MIPEP: variants seen among roughly 807,000 people sequenced by gnomAD.
MIPEP encodes the protein mitochondrial intermediate peptidase.
A neutral mutation model predicts 90.3 loss-of-function variants in MIPEP; 79 were observed. The observed-to-expected ratio is 0.87, with a 90% CI of 0.73 to 1.05. MIPEP has a LOEUF of 1.05. Ranked by LOEUF, MIPEP falls within the 50% of genes least tolerant of loss-of-function variation. The probability of loss-of-function intolerance (pLI) is 0.00; values close to 1 mark genes in which losing one functional copy is unlikely to be tolerated. For missense variants in MIPEP, 940 were observed against 905.6 expected (o/e 1.04, Z -0.49); for synonymous variants, 334 against 315.8 (o/e 1.06, Z -0.61).
intron 16 of MIPEP, among the ~76,000 whole-genome samples, chr13:23,762,772 C>A (rs1170764767): frequency 6.6e-6 from 1 of 152,196 alleles, no homozygotes; most frequent in Non-Finnish European, 1.5e-5. Flanking sequence ...TGTATCCCTA[C>A]CTCACAGGAT....
intron 1 of MIPEP, among the ~76,000 whole-genome samples, chr13:23,888,387 T>G (rs1347206517): frequency 1.3e-5 from 2 of 152,118 alleles, no homozygotes; most frequent in Non-Finnish European, 2.9e-5. Context: ...TATAACGAAA[T>G]TTTAAAAGGC....
chr13:23,831,640 A>C (rs1025660198), intron 14 of MIPEP, among the ~76,000 whole-genome samples: 1 of 152,072 alleles, frequency 6.6e-6, no homozygotes, highest in Non-Finnish European at 1.5e-5. Flanking sequence ...GCTTCATAAC[A>C]ACCTGCTCTC....
chr13:23,775,524 C>T (rs1315709801), intron 16 of MIPEP, among the ~76,000 whole-genome samples: 3 of 152,158 alleles, frequency 2.0e-5, no homozygotes, highest in Non-Finnish European at 2.9e-5. Flanking sequence ...CATACTCATC[C>T]TCAATGCCCA....
At chr13:23,761,468 A>C (rs1459553277) in intron 16 of MIPEP, among the ~76,000 whole-genome samples, 1 of 152,204 alleles carries the variant, frequency 6.6e-6, no homozygotes, top group Non-Finnish European at 1.5e-5. Flanking sequence ...GCACAGAGAG[A>C]GAGCATCCAT....
chr13:23,843,392 A>G (rs1274827195), intron 10 of MIPEP, among the ~76,000 whole-genome samples: 1 of 152,230 alleles, frequency 6.6e-6, no homozygotes, highest in Non-Finnish European at 1.5e-5. Flanking sequence ...ACCATAGGCC[A>G]TGGCCTCTAA....
intron 13 of MIPEP, among the ~76,000 whole-genome samples, chr13:23,836,730 C>T (rs1207683726): frequency 6.6e-6 from 1 of 152,124 alleles, no homozygotes; most frequent in African/African-American, 2.4e-5. Flanking sequence ...TACTTTTATC[C>T]TTCCTTTGTT....
chr13:23,843,221 A>G (rs941421651), intron 10 of MIPEP, among the ~76,000 whole-genome samples: 22 of 152,158 alleles, frequency 1.4e-4, no homozygotes, highest in Non-Finnish European at 1.6e-4. Context: ...GTATGATGGC[A>G]TAAAATAGCC....
chr13:23,778,184 C>T (rs568107913), intron 16 of MIPEP, among the ~76,000 whole-genome samples: 4 of 152,230 alleles, frequency 2.6e-5, no homozygotes, highest in Non-Finnish European at 5.9e-5. Flanking sequence ...TCACTTTTCA[C>T]TCTCCATAAA....
chr13:23,837,213 T>C (rs1437469605), intron 13 of MIPEP, among the ~76,000 whole-genome samples: 1 of 152,262 alleles, frequency 6.6e-6, no homozygotes, highest in Non-Finnish European at 1.5e-5. Context: ...ATTCACTTAC[T>C]TATTAACTCT....
chr13:23,841,020 G>A (rs937036867), intron 11 of MIPEP, among the ~76,000 whole-genome samples: 1 of 152,130 alleles, frequency 6.6e-6, no homozygotes, highest in Admixed American at 6.5e-5. Flanking sequence ...CGGACACACA[G>A]CTATGAAGGT....
At position 23,771,564 on chromosome 13, in the gene MIPEP, CACACAT is replaced by C. The variant is rs1316737017; in HGVS notation, c.1849-11353_1849-11348del. ...ACACACACACACACACACACACACACACACATCTGCATTTCTGAAGTGACAAAACAA... is the reference window on the plus strand; with the variant it reads ...ACACACACACACACACACACACACACCTGCATTTCTGAAGTGACAAAACAA... On this transcript the variant is annotated intron_variant, in intron 16 of 18. Coordinates refer to ENST00000382172, the MANE Select transcript of MIPEP (RefSeq NM_005932.4). Among the ~76,000 whole-genome samples the C allele has an allele frequency of 2.7e-4, 39 of 142,924 alleles. 1 individual carries two copies. In the East Asian group the frequency reaches 6.1e-3, roughly 22 times the overall value. The allele number at this position is 142,924 out of a possible 152,430, so 93.8% of individuals were successfully genotyped here.
chr13:23,823,088 TAGAAAA>T (rs1172642625), intron 14 of MIPEP, among the ~76,000 whole-genome samples: 16 of 152,120 alleles, frequency 1.1e-4, no homozygotes, highest in African/African-American at 3.6e-4. Context: ...ATACCTGACT[TAGAAAA>T]AGAAACAGTC....
At chr13:23,834,853 G>GT (rs59103303) in intron 14 of MIPEP, among the ~76,000 whole-genome samples, 2,724 of 152,126 alleles carry the variant, frequency 0.018, 108 homozygotes, top group African/African-American at 0.062. Context: ...CTATCACGTG[G>GT]TAGGGTATGC....
chr13:23,884,683 C>T (rs1871400102), intron 2 of MIPEP, among the ~76,000 whole-genome samples: 1 of 152,192 alleles, frequency 6.6e-6, no homozygotes, highest in Admixed American at 6.5e-5. Flanking sequence ...GTAGAAAGGG[C>T]CTACAGTCTA....
intron 7 of MIPEP, among the ~76,000 whole-genome samples, chr13:23,867,087 C>G (rs1870575480): frequency 6.6e-6 from 1 of 152,124 alleles, no homozygotes; most frequent in African/African-American, 2.4e-5. Context: ...GGCCCTGCTG[C>G]AGTCTTCTCT....
At chr13:23,875,238 T>C (rs558547976) in intron 4 of MIPEP, among the ~76,000 whole-genome samples, 22 of 152,068 alleles carry the variant, frequency 1.4e-4, no homozygotes, top group Non-Finnish European at 2.9e-4. Context: ...TAATTTTATT[T>C]AGTACACAGG....
chr13:23,771,655 C>T (rs1952653113), intron 16 of MIPEP, among the ~76,000 whole-genome samples: 1 of 151,934 alleles, frequency 6.6e-6, no homozygotes, highest in South Asian at 2.1e-4. Flanking sequence ...ATGTGAAATA[C>T]TGAAGAATGC....
At chr13:23,783,887 C>A (rs1223221068) in intron 16 of MIPEP, among the ~76,000 whole-genome samples, 2 of 152,148 alleles carry the variant, frequency 1.3e-5, no homozygotes, top group Non-Finnish European at 2.9e-5. Flanking sequence ...AGGAATCCAA[C>A]TTACAAAGGA....
intron 14 of MIPEP, among the ~76,000 whole-genome samples, chr13:23,825,927 G>A (rs1868433809): frequency 6.6e-6 from 1 of 152,104 alleles, no homozygotes; most frequent in East Asian, 1.9e-4. Flanking sequence ...AATATTCAGT[G>A]AGAAAGACAA....
Sources: gnomAD v4.1 joint callset for allele counts (sites outside exome capture counted in the v4.1 genomes callset) on GRCh38, gnomAD v4.1.1 for gene constraint, MANE v1.5 for transcripts, NCBI Gene and HGNC (gene_info 2026-07-23, HGNC 2026-07-21) for gene names.